FAM186B: variants seen among roughly 807,000 people sequenced by gnomAD.
FAM186B encodes the protein family with sequence similarity 186 member B.
In FAM186B, 68 loss-of-function variants were observed where a neutral mutation model predicts 83.4. The ratio of observed to expected loss-of-function variants is 0.81; its 90% CI spans 0.67 to 1.00. FAM186B has a LOEUF of 1.00. Ranked by LOEUF, FAM186B falls within the 50% of genes least tolerant of loss-of-function variation. The pLI is 0.00. For missense variants in FAM186B, 983 were observed against 1,099.2 expected (o/e 0.89, Z 1.49); for synonymous variants, 389 against 422.0 (o/e 0.92, Z 0.96).
chr12:49,584,060 G>GT (rs1349842512), downstream of FAM186B: 2 of 172,410 alleles, frequency 1.2e-5, no homozygotes, highest in African/African-American at 4.8e-5. Context: ...TCTGTATTTG[G>GT]TATCTCCTTT....
chr12:49,603,816 T>C (rs1395826636), intron 2 of FAM186B, among the ~76,000 whole-genome samples: 2 of 152,120 alleles, frequency 1.3e-5, no homozygotes, highest in African/African-American at 4.8e-5. Flanking sequence ...GCAGGGCACA[T>C]ACCAATACCA....
chr12:49,612,977 G>A, the FAM186B span, among the ~76,000 whole-genome samples: 5 of 152,076 alleles, frequency 3.3e-5, no homozygotes, highest in Admixed American at 6.6e-5. Context: ...TCAACCACAT[G>A]CTTGGCCATA....
In FAM186B at chr12:49,600,901, A is replaced by G. The variant is rs777064556; in HGVS notation, c.739T>C (p.Leu247=). ...ATVVENLNKA[L]ILQHKENRSL... ...CTGTTCTCCTTGTGTTGGAGGATCAAGGCCTTGTTGAGGTTCTCCACCACA... is the reference window on the plus strand; with the variant it reads ...CTGTTCTCCTTGTGTTGGAGGATCAGGGCCTTGTTGAGGTTCTCCACCACA... Residue 247 remains leucine (L), a synonymous_variant, in exon 4 of 7, where the codon TTG becomes CTG. Coordinates refer to ENST00000257894, the MANE Select transcript of FAM186B (RefSeq NM_032130.3). The surrounding 1 kb of genome is among the most constrained non-coding windows in gnomAD (Gnocchi z 4.3). 11 of 1,614,032 alleles carry G rather than the reference A, an allele frequency of 6.8e-6. No homozygotes were observed. Among genetic ancestry groups the G allele is most frequent in the Non-Finnish European group, 9.3e-6 (11 of 1,180,030 alleles).
Position 49,603,359 on chromosome 12 carries a change from G to A in FAM186B, c.331C>T (p.Leu111=). ...TTCCTGGGCCCAATCTCATAGGTCA[G>A]AGTGTCACCTGGAGAAGGGATGGGA... ...LRWLGDWGDT[L]TYEIGPRKSE... is the part of the protein sequence containing the mutation. The change falls in exon 3 of 7, where the codon CTG becomes TTG. Residue 111 remains leucine (L), a synonymous_variant. Coordinates refer to ENST00000257894, the MANE Select transcript of FAM186B (RefSeq NM_032130.3). 6.2e-7 allele frequency: 1 copy of A among 1,614,178 alleles called. No individual in the cohort carries two copies.
chr12:49,612,213 C>T, the FAM186B span, among the ~76,000 whole-genome samples: 2 of 152,124 alleles, frequency 1.3e-5, no homozygotes, highest in African/African-American at 4.8e-5. Context: ...AAAAACAAGA[C>T]CTGTCTGTCT....
In FAM186B at chr12:49,599,754, G is replaced by C; in HGVS notation, c.1886C>G (p.Pro629Arg). Residue 629 changes from proline to arginine, a missense_variant, in exon 4 of 7, where the codon CCC becomes CGC. Physicochemically the swap from Pro to Arg is moderately radical, Grantham distance 103 (BLOSUM62 -2). Transcript: ENST00000257894. ...GACAGGAAAGGAGGCAGATTTCTTG[G>C]GCTTTGTGGGAACTCGGCGGGTCCG... ...RPRTRRVPTK[P>R]KKSASFPVTG... The C allele has an allele frequency of 6.2e-7, 1 of 1,614,134 alleles. No individual in the cohort carries two copies. The highest frequency in any genetic ancestry group is 8.5e-7 in the Non-Finnish European group (1 of 1,180,008).
In FAM186B at chr12:49,600,145, T is replaced by TATC. The variant is rs772737486; in HGVS notation, c.1494_1495insGAT (p.Glu498_Met499insAsp). On this transcript the variant is annotated inframe_insertion, in exon 4 of 7. Coordinates refer to ENST00000257894, the MANE Select transcript of FAM186B (RefSeq NM_032130.3). The surrounding 1 kb of genome is among the most constrained non-coding windows in gnomAD (Gnocchi z 4.3). The stretch of plus-strand genomic sequence containing the variant: ...CACTTCTTCTGCCGCTGCTGCCACA[T>TATC]CTCCTCCTCCTCCAGCCACAGCTGC... 43 of 1,613,510 alleles carry TATC rather than the reference T, an allele frequency of 2.7e-5. No homozygotes were observed. The African/African-American group carries it at 5.6e-4, about 21-fold the overall frequency.
intron 3 of FAM186B, 115 bp from the exon 4 acceptor site, chr12:49,601,249 T>A (rs1939888351): frequency 1.4e-6 from 2 of 1,384,148 alleles, no homozygotes; most frequent in East Asian, 2.5e-5. Context: ...TTGGCGAGAG[T>A]AGGGAGCTGG....
chr12:49,608,786 G>C (rs888528925), upstream of FAM186B, among the ~76,000 whole-genome samples: 9 of 151,580 alleles, frequency 5.9e-5, no homozygotes, highest in African/African-American at 1.9e-4. Flanking sequence ...AGGGCACTTT[G>C]GGAAAGTGCC....
the FAM186B span, among the ~76,000 whole-genome samples, chr12:49,618,323 G>A: frequency 6.6e-6 from 1 of 150,886 alleles, no homozygotes; most frequent in South Asian, 2.1e-4. Context: ...CCAGCCTGGC[G>A]ACAGAGTGAG....
downstream of FAM186B, among the ~76,000 whole-genome samples, chr12:49,587,168 G>T (rs973453990): frequency 3.9e-5 from 6 of 152,124 alleles, no homozygotes; most frequent in African/African-American, 1.4e-4. Context: ...TCTTTCTAGG[G>T]ACCGTTCTTG....
intron 2 of FAM186B, 69 bp from the exon 3 acceptor site, chr12:49,603,436 G>A: frequency 6.7e-7 from 1 of 1,500,074 alleles, no homozygotes; most frequent in South Asian, 1.2e-5. Flanking sequence ...CAGCCCTATA[G>A]CACAGGGGTT....
chr12:49,608,503 A>C (rs1329698597), upstream of FAM186B, among the ~76,000 whole-genome samples: 2 of 151,866 alleles, frequency 1.3e-5, no homozygotes, highest in East Asian at 3.9e-4. Flanking sequence ...AAAAAAAAAA[A>C]AAAACCAAAA....
chr12:49,610,154 A>C (rs1368576473), upstream of FAM186B, among the ~76,000 whole-genome samples: 5 of 152,118 alleles, frequency 3.3e-5, no homozygotes, highest in African/African-American at 4.8e-5. Context: ...AAAAAAAAAA[A>C]AACCGATATT....
chr12:49,605,904 G>A (rs1940010253), upstream of FAM186B, among the ~76,000 whole-genome samples: 1 of 151,614 alleles, frequency 6.6e-6, no homozygotes, highest in African/African-American at 2.4e-5. Context: ...GATTACAGGT[G>A]CGTGCCACCA....
the FAM186B span, among the ~76,000 whole-genome samples, chr12:49,614,767 G>A: frequency 6.6e-5 from 10 of 152,084 alleles, no homozygotes; most frequent in Admixed American, 4.6e-4. Flanking sequence ...AGGACACAAA[G>A]GCATAAGAAT....
downstream of FAM186B, chr12:49,584,150 T>G: frequency 3.8e-6 from 1 of 263,442 alleles, no homozygotes. Context: ...AAATGAAGAG[T>G]TACACCTACT....
chr12:49,613,552 C>T, the FAM186B span, among the ~76,000 whole-genome samples: 1 of 144,982 alleles, frequency 6.9e-6, no homozygotes, highest in South Asian at 2.2e-4. Context: ...AGTTAGATCT[C>T]AAATTGGCCG....
intron 5 of FAM186B, chr12:49,592,962 A>T (rs748930078): frequency 1.3e-5 from 2 of 152,234 alleles, no homozygotes; most frequent in African/African-American, 4.8e-5. Context: ...TTATATATTT[A>T]AACTCAACTG....
Sources: allele counts gnomAD v4.1 joint callset (sites outside exome capture counted in the v4.1 genomes callset), GRCh38; gene constraint gnomAD v4.1.1; non-coding constraint Gnocchi (gnomAD v3.1); transcripts MANE v1.5; gene names NCBI Gene and HGNC (gene_info 2026-07-23, HGNC 2026-07-21).